The following RGS8 variants were observed in gnomAD, a reference collection of about 807,000 sequenced individuals.
The protein encoded by RGS8 is regulator of G-protein signaling 8.
In RGS8, 8 loss-of-function variants were observed where a neutral mutation model predicts 21.7. That is an observed-to-expected ratio of 0.37 (90% CI 0.22 to 0.66). RGS8 has a LOEUF of 0.66. Among genes scored for constraint, RGS8 ranks in the 30% least tolerant of loss-of-function variants. The pLI is 0.59. For synonymous variants in RGS8, 80 were observed against 83.6 expected (o/e 0.96, Z 0.24); for missense variants, 157 against 217.9 (o/e 0.72, Z 1.76).
At chr1:182,644,172 C>T (rs1662600471), downstream of RGS8, 1 of 152,272 alleles carries the variant, frequency 6.6e-6, no homozygotes, top group South Asian at 2.1e-4. Flanking sequence ...TTTGTTTCAT[C>T]ACAGACCAAA....
the RGS8 span, among the ~76,000 whole-genome samples, chr1:182,690,184 T>C: frequency 6.6e-6 from 1 of 152,004 alleles, no homozygotes; most frequent in Non-Finnish European, 1.5e-5. Context: ...GTTAATAAGT[T>C]TATGTGTGAA....
At chr1:182,648,927 G>A (rs542110571) in intron 5 of RGS8, among the ~76,000 whole-genome samples, 1 of 152,100 alleles carries the variant, frequency 6.6e-6, no homozygotes, top group Non-Finnish European at 1.5e-5. Context: ...ATGGCAAAAC[G>A]TCATCTCTAC....
At chr1:182,720,629 A>G in the RGS8 span, among the ~76,000 whole-genome samples, 1 of 152,048 alleles carries the variant, frequency 6.6e-6, no homozygotes, top group East Asian at 1.9e-4. Flanking sequence ...ACCACTGTTC[A>G]CTGCAGGCCC....
At chr1:182,646,640 C>T (rs759220379) in exon 7 of RGS8, 54 of 1,212,612 alleles carry the variant, frequency 4.5e-5, no homozygotes, top group Admixed American at 1.2e-4. Context: ...CCAATGCCAC[C>T]GCTTTTGAAC....
chr1:182,653,157 A>G (rs763817788), intron 5 of RGS8, among the ~76,000 whole-genome samples: 2 of 152,226 alleles, frequency 1.3e-5, no homozygotes, highest in Non-Finnish European at 2.9e-5. Context: ...CCAGAGGTCA[A>G]GCTAGATACA....
chr1:182,747,067 T>TTTTTTTTTTTTTTA, the RGS8 span, among the ~76,000 whole-genome samples: 1 of 110,418 alleles, frequency 9.1e-6, no homozygotes. Flanking sequence ...TTTTTTTTTT[T>TTTTTTTTTTTTTTA]TTTTTTTTTT....
At chr1:182,713,228 G>A in the RGS8 span, among the ~76,000 whole-genome samples, 2 of 151,976 alleles carry the variant, frequency 1.3e-5, no homozygotes, top group Non-Finnish European at 2.9e-5. Context: ...CTGTCACCTA[G>A]GCTGGAGTGC....
chr1:182,699,117 A>T, the RGS8 span, among the ~76,000 whole-genome samples: 1 of 152,184 alleles, frequency 6.6e-6, no homozygotes, highest in South Asian at 2.1e-4. Flanking sequence ...ATTTTGATTC[A>T]TCTTTTCTTA....
the RGS8 span, among the ~76,000 whole-genome samples, chr1:182,740,953 T>A: frequency 6.6e-6 from 1 of 152,104 alleles, no homozygotes; most frequent in Non-Finnish European, 1.5e-5. Context: ...CATGTCTACC[T>A]CTTTCTACAC....
intron 5 of RGS8, among the ~76,000 whole-genome samples, chr1:182,654,242 G>A (rs1391390900): frequency 1.3e-5 from 2 of 152,116 alleles, no homozygotes; most frequent in South Asian, 2.1e-4. Context: ...GCAGACAGAA[G>A]GGAAAGGGTA....
chr1:182,730,757 A>G, the RGS8 span, among the ~76,000 whole-genome samples: 4 of 152,160 alleles, frequency 2.6e-5, no homozygotes, highest in Non-Finnish European at 5.9e-5. Context: ...TTTGCACTCT[A>G]CCTTGCAGAA....
the RGS8 span, among the ~76,000 whole-genome samples, chr1:182,696,040 T>C: frequency 6.6e-6 from 1 of 152,300 alleles, no homozygotes. Flanking sequence ...AATTAACATA[T>C]TTATTTTGTA....
the RGS8 span, among the ~76,000 whole-genome samples, chr1:182,716,059 C>T: frequency 6.6e-6 from 1 of 151,966 alleles, no homozygotes; most frequent in Admixed American, 6.6e-5. Context: ...TTCAAATCAT[C>T]TCTAGATTGC....
chr1:182,696,478 C>A, the RGS8 span, among the ~76,000 whole-genome samples: 418 of 152,204 alleles, frequency 2.7e-3, 7 homozygotes, highest in African/African-American at 9.9e-3. Flanking sequence ...ATGTCCCAGC[C>A]CCCCGAGTAG....
the RGS8 span, among the ~76,000 whole-genome samples, chr1:182,704,235 A>G: frequency 6.6e-6 from 1 of 152,218 alleles, no homozygotes; most frequent in Non-Finnish European, 1.5e-5. Flanking sequence ...AAATAGCCAC[A>G]GAATCACTTC....
At chr1:182,742,177 T>G in the RGS8 span, among the ~76,000 whole-genome samples, 6 of 137,600 alleles carry the variant, frequency 4.4e-5, no homozygotes, top group East Asian at 4.3e-4. Context: ...TTCCCAGATG[T>G]GATGGCGGCC....
chr1:182,651,889 T>C (rs2102411773), intron 5 of RGS8, among the ~76,000 whole-genome samples: 1 of 152,282 alleles, frequency 6.6e-6, no homozygotes, highest in Middle Eastern at 3.4e-3. Context: ...CCTTGAGAAC[T>C]AAGTGAAGGG....
the RGS8 span, among the ~76,000 whole-genome samples, chr1:182,696,593 T>C: frequency 1.1e-4 from 17 of 152,180 alleles, no homozygotes; most frequent in Non-Finnish European, 1.9e-4. Flanking sequence ...AAGTGATCTA[T>C]CCTGCCCCAG....
intron 4 of RGS8, among the ~76,000 whole-genome samples, chr1:182,666,336 G>T (rs1663857841): frequency 6.6e-6 from 1 of 152,146 alleles, no homozygotes; most frequent in Admixed American, 6.5e-5. Flanking sequence ...GAAAGAAACT[G>T]GTCTTAGAGC....
Sources: gnomAD v4.1 joint callset for allele counts (sites outside exome capture counted in the v4.1 genomes callset) on GRCh38, gnomAD v4.1.1 for gene constraint, MANE v1.5 for transcripts, NCBI Gene and HGNC (gene_info 2026-07-23, HGNC 2026-07-21) for gene names.